Variants in ZNF469 observed in about 807,000 individuals in gnomAD.
ZNF469 encodes zinc finger protein 469.
Under a neutral mutation model 1.0 loss-of-function variants are expected in ZNF469, and 1 was observed. That is an observed-to-expected ratio of 1.00 (90% CI 0.35 to 4.73). The LOEUF (loss-of-function observed/expected upper bound fraction) is 4.73. Among genes scored for constraint, ZNF469 ranks in the 30% most tolerant of loss-of-function variants. The pLI is 0.16. For synonymous variants in ZNF469, 2,703 were observed against 2,363.4 expected, an observed-to-expected ratio of 1.14 and a Z score of -4.17; for missense variants, 6,100 against 5,356.3, an observed-to-expected ratio of 1.14 and a Z score of -4.33.
the ZNF469 span, among the ~76,000 whole-genome samples, chr16:88,209,105 CT>C: frequency 7.2e-5 from 11 of 152,028 alleles, no homozygotes; most frequent in African/African-American, 2.7e-4. Flanking sequence ...CCTGCCCCCT[CT>C]TTTTTTCCTT....
chr16:88,395,044 G>A (rs1904614695), intron 1 of ZNF469, among the ~76,000 whole-genome samples: 1 of 152,224 alleles, frequency 6.6e-6, no homozygotes, highest in Admixed American at 6.5e-5. Flanking sequence ...GCCTCAGGTT[G>A]GCTCACGTGC....
the ZNF469 span, among the ~76,000 whole-genome samples, chr16:88,222,529 A>C: frequency 1.3e-5 from 2 of 152,094 alleles, no homozygotes; most frequent in Admixed American, 6.5e-5. Flanking sequence ...AGGCCGAGGC[A>C]GGTGGATCGC....
Position 88,433,643 on chromosome 16 carries a change from C to T in ZNF469, c.6173C>T (p.Pro2058Leu). 1.3e-6 allele frequency: 2 copies of T among 1,550,206 alleles called. No homozygotes were observed. The highest frequency in any genetic ancestry group is 2.4e-5 in the East Asian group (1 of 40,920). The change falls in exon 3 of 3, where the codon CCC becomes CTC. Residue 2058 changes from proline (P) to leucine (L), a missense_variant. Physicochemically the swap from Pro to Leu is moderately conservative, Grantham distance 98 (BLOSUM62 -3). Coordinates refer to ENST00000565624, the MANE Select transcript of ZNF469 (RefSeq NM_001367624.2). ...LQEEAEPTPS[P>L]PSPNRESLAL... Reference sequence around the variant, plus strand: ...GAGGAGGCCGAGCCCACCCCAAGCCCCCCGTCCCCTAATAGGGAGTCCCTG... The same window carrying T: ...GAGGAGGCCGAGCCCACCCCAAGCCTCCCGTCCCCTAATAGGGAGTCCCTG...
the ZNF469 span, among the ~76,000 whole-genome samples, chr16:88,106,162 A>G: frequency 1.3e-5 from 2 of 152,158 alleles, no homozygotes; most frequent in African/African-American, 4.8e-5. Context: ...AGAGGGAGAC[A>G]GTGTGGCGGG....
the ZNF469 span, among the ~76,000 whole-genome samples, chr16:88,104,941 A>C: frequency 4.4e-3 from 674 of 152,300 alleles, 4 homozygotes; most frequent in African/African-American, 0.015. Context: ...GGCCAGGTGC[A>C]GCAGTGGCTC....
chr16:88,274,787 C>G, the ZNF469 span, among the ~76,000 whole-genome samples: 1 of 152,258 alleles, frequency 6.6e-6, no homozygotes, highest in African/African-American at 2.4e-5. Context: ...GGAGGACTCG[C>G]CGTATTGCCT....
At chr16:88,380,906 TCACAGACATGCACTCA>T (rs1159336118), upstream of ZNF469, among the ~76,000 whole-genome samples, 5 of 53,832 alleles carry the variant, frequency 9.3e-5, no homozygotes, top group Non-Finnish European at 1.3e-4. Context: ...TCACACACAC[TCACAGACATGCACTCA>T]CACAGACACG....
the ZNF469 span, chr16:88,191,501 T>A: frequency 1.3e-5 from 2 of 152,288 alleles, no homozygotes; most frequent in Non-Finnish European, 2.9e-5. Context: ...TTCTAATGTA[T>A]TTATTTTTTG....
At chr16:88,413,576 T>C (rs575117468) in intron 1 of ZNF469, among the ~76,000 whole-genome samples, 1 of 152,358 alleles carries the variant, frequency 6.6e-6, no homozygotes, top group East Asian at 1.9e-4. Flanking sequence ...GAGAAGTGAT[T>C]CCGTCCAGAG....
In ZNF469 at chr16:88,437,557, C is replaced by G; in HGVS notation, c.10087C>G (p.Arg3363Gly). 8 of 1,538,724 alleles carry G rather than the reference C, an allele frequency of 5.2e-6. No homozygotes were observed. Among genetic ancestry groups the G allele is most frequent in the Non-Finnish European group, 7.0e-6 (8 of 1,138,654 alleles). Residue 3363 changes from arginine (R) to glycine (G), a missense_variant, in exon 3 of 3, where the codon CGC (arginine) becomes GGC (glycine). Physicochemically the swap from Arg to Gly is moderately radical, Grantham distance 125. Coordinates refer to ENST00000565624, the MANE Select transcript of ZNF469 (RefSeq NM_001367624.2). ...QRHLAVHSPQ[R>G]VYLCPRCPRV... Reference sequence around the variant, plus strand: ...CCACCTGGCGGTGCACAGCCCGCAGCGCGTCTACCTGTGCCCCCGGTGCCC... The same window carrying G: ...CCACCTGGCGGTGCACAGCCCGCAGGGCGTCTACCTGTGCCCCCGGTGCCC...
intron 1 of ZNF469, among the ~76,000 whole-genome samples, chr16:88,386,945 T>C (rs2037733905): frequency 1.3e-5 from 2 of 152,198 alleles, no homozygotes; most frequent in South Asian, 4.1e-4. Context: ...GATGCTGTCC[T>C]CAGGGACTGG....
chr16:88,265,342 C>G, the ZNF469 span, among the ~76,000 whole-genome samples: 1 of 152,158 alleles, frequency 6.6e-6, no homozygotes, highest in Non-Finnish European at 1.5e-5. Context: ...GGAGGTTCCC[C>G]TAGCACCACT....
the ZNF469 span, among the ~76,000 whole-genome samples, chr16:88,193,200 G>A: frequency 7.7e-6 from 1 of 129,716 alleles, no homozygotes; most frequent in Non-Finnish European, 1.7e-5. Context: ...TGGTGGTGAT[G>A]GTGGTGGGGA....
chr16:88,203,506 G>T, the ZNF469 span, among the ~76,000 whole-genome samples: 24 of 152,190 alleles, frequency 1.6e-4, no homozygotes, highest in African/African-American at 5.8e-4. Flanking sequence ...GGCGGGGACG[G>T]GGCGGGGGTG....
the ZNF469 span, among the ~76,000 whole-genome samples, chr16:88,203,143 G>A: frequency 6.6e-6 from 1 of 152,156 alleles, no homozygotes; most frequent in Non-Finnish European, 1.5e-5. Flanking sequence ...AGTGGGAAGG[G>A]CAGAGGTGGT....
the ZNF469 span, among the ~76,000 whole-genome samples, chr16:88,360,692 G>A: frequency 2.3e-4 from 12 of 52,414 alleles, no homozygotes; most frequent in Admixed American, 7.8e-4. Flanking sequence ...CAGCGCCCGC[G>A]TGCTCCCTCA....
the ZNF469 span, among the ~76,000 whole-genome samples, chr16:88,358,136 C>G: frequency 6.6e-6 from 1 of 152,214 alleles, no homozygotes; most frequent in Admixed American, 6.5e-5. Context: ...CCCCCAGGCC[C>G]CCAGCCGGCT....
intron 1 of ZNF469, among the ~76,000 whole-genome samples, chr16:88,405,802 G>A (rs996165646): frequency 1.3e-5 from 2 of 152,130 alleles, no homozygotes; most frequent in East Asian, 1.9e-4. Flanking sequence ...TGCCCAGCCC[G>A]CCCCACGGCC....
At chr16:88,133,278 C>T in the ZNF469 span, among the ~76,000 whole-genome samples, 1,197 of 152,316 alleles carry the variant, frequency 7.9e-3, 20 homozygotes, top group African/African-American at 0.028. Context: ...ATGATTCCCA[C>T]GGTCAAATCA....
Sources: gnomAD v4.1 joint callset for allele counts (sites outside exome capture counted in the v4.1 genomes callset) on GRCh38, gnomAD v4.1.1 for gene constraint, MANE v1.5 for transcripts, NCBI Gene and HGNC (gene_info 2026-07-23, HGNC 2026-07-21) for gene names.